Variants in NCAM2 observed in about 807,000 individuals in gnomAD.
NCAM2 encodes the protein N-CAM-2.
Under a neutral mutation model 98.1 loss-of-function variants are expected in NCAM2, and 30 were observed. The ratio of observed to expected loss-of-function variants is 0.31; its 90% CI spans 0.23 to 0.41. NCAM2 has a LOEUF of 0.41. NCAM2 is among the 10% of genes least tolerant of loss of function. The pLI, the probability that NCAM2 is intolerant of heterozygous loss-of-function variation, is 1.00. For missense variants in NCAM2, 867 were observed against 1,005.8 expected (o/e 0.86, Z 1.87); for synonymous variants, 368 against 342.4 (o/e 1.07, Z -0.83).
intron 1 of NCAM2, among the ~76,000 whole-genome samples, chr21:21,264,570 A>G (rs1406331972): frequency 6.6e-6 from 1 of 151,734 alleles, no homozygotes; most frequent in Non-Finnish European, 1.5e-5. Context: ...CACTATTCAC[A>G]ATAGAAAAGT....
chr21:21,124,992 T>C (rs2066757140), intron 1 of NCAM2, among the ~76,000 whole-genome samples: 1 of 152,136 alleles, frequency 6.6e-6, no homozygotes, highest in Admixed American at 6.5e-5. Flanking sequence ...GCCAGAAATA[T>C]AAGCTAAATT....
At chr21:21,518,610 ATAT>A (rs1264413845) in intron 16 of NCAM2, among the ~76,000 whole-genome samples, 4 of 151,500 alleles carry the variant, frequency 2.6e-5, no homozygotes, top group Non-Finnish European at 5.9e-5. Context: ...CATAGAATAA[ATAT>A]TATATATAAT....
intron 1 of NCAM2, among the ~76,000 whole-genome samples, chr21:21,263,263 A>C (rs77345713): frequency 0.03 from 4,564 of 152,186 alleles, 148 homozygotes; most frequent in East Asian, 0.19. Context: ...CAACTGCCAC[A>C]AAAAATAAAA....
At chr21:21,200,104 A>G (rs915803119) in intron 1 of NCAM2, among the ~76,000 whole-genome samples, 3 of 152,094 alleles carry the variant, frequency 2.0e-5, no homozygotes, top group Non-Finnish European at 2.9e-5. Flanking sequence ...AGGCAGCCCA[A>G]AAGAGAAAGA....
intron 1 of NCAM2, among the ~76,000 whole-genome samples, chr21:21,277,866 G>T (rs541581638): frequency 1.2e-4 from 18 of 151,698 alleles, no homozygotes; most frequent in Non-Finnish European, 2.2e-4. Context: ...ATTAATGAGT[G>T]CGTGTATTTA....
chr21:21,316,671 G>T (rs2074232076), intron 5 of NCAM2, among the ~76,000 whole-genome samples: 1 of 149,406 alleles, frequency 6.7e-6, no homozygotes, highest in Non-Finnish European at 1.5e-5. Context: ...AGCCTCCCAA[G>T]TTGCTGGCAT....
chr21:21,414,470 T>G, intron 10 of NCAM2, among the ~76,000 whole-genome samples: 1 of 75,248 alleles, frequency 1.3e-5, no homozygotes, highest in Non-Finnish European at 2.6e-5. Flanking sequence ...TTTTTTGTTG[T>G]GTGTTTTTTT....
intron 5 of NCAM2, among the ~76,000 whole-genome samples, chr21:21,303,758 C>A (rs2073798613): frequency 6.6e-6 from 1 of 152,100 alleles, no homozygotes; most frequent in Admixed American, 6.6e-5. Context: ...GGGTATTTCA[C>A]TTGCTCCACA....
chr21:21,153,390 C>T (rs929010754), intron 1 of NCAM2, among the ~76,000 whole-genome samples: 1 of 151,690 alleles, frequency 6.6e-6, no homozygotes, highest in Non-Finnish European at 1.5e-5. Context: ...AGTGAACTTA[C>T]ACTACTATGC....
intron 1 of NCAM2, among the ~76,000 whole-genome samples, chr21:21,181,333 C>T (rs1418041545): frequency 3.3e-5 from 5 of 151,922 alleles, no homozygotes; most frequent in Admixed American, 3.3e-4. Context: ...ACCGACTTAC[C>T]ATTTTGTAGT....
chr21:21,537,397 T>C (rs1009992411), intron 17 of NCAM2, among the ~76,000 whole-genome samples: 1 of 152,150 alleles, frequency 6.6e-6, no homozygotes, highest in African/African-American at 2.4e-5. Context: ...TTAATTGTTT[T>C]CACTGGAGAA....
At chr21:21,234,411 G>A (rs1164321878) in intron 1 of NCAM2, among the ~76,000 whole-genome samples, 6 of 151,888 alleles carry the variant, frequency 4.0e-5, no homozygotes. Flanking sequence ...AAGACTCCTT[G>A]TAAGAATATA....
chr21:21,132,707 A>G (rs574521803), intron 1 of NCAM2, among the ~76,000 whole-genome samples: 3 of 152,364 alleles, frequency 2.0e-5, no homozygotes, highest in South Asian at 2.1e-4. Context: ...TATTATCAGC[A>G]TAGATAAATC....
intron 8 of NCAM2, among the ~76,000 whole-genome samples, chr21:21,365,878 T>C (rs547404962): frequency 1.3e-5 from 2 of 152,210 alleles, no homozygotes; most frequent in East Asian, 3.9e-4. Context: ...TTAAGTGCTA[T>C]GATTTCCTTT....
chr21:21,058,913 T>C lies in NCAM2; in HGVS notation c.55+60295T>C, dbSNP rs189622640. Reference sequence around the variant, plus strand: ...AGACTGTTTTTGGACATTCTAGTGCTTTTTTCGAAGGACTATCCACGATCA... The same window carrying C: ...AGACTGTTTTTGGACATTCTAGTGCCTTTTTCGAAGGACTATCCACGATCA... On this transcript the variant is annotated intron_variant, in intron 1 of 17. Transcript: ENST00000400546. Among the ~76,000 whole-genome samples, 208 of 152,228 alleles carry C rather than the reference T, an allele frequency of 1.4e-3. 1 individual carries two copies. The highest frequency in any genetic ancestry group is 5.0e-3 in the African/African-American group (207 of 41,568).
At chr21:21,015,152 T>C (rs185523678) in intron 1 of NCAM2, among the ~76,000 whole-genome samples, 21 of 152,356 alleles carry the variant, frequency 1.4e-4, no homozygotes, top group Admixed American at 1.2e-3. Flanking sequence ...CTGAACCTTA[T>C]TGAAATATAA....
chr21:21,210,933 G>A (rs1381954347), intron 1 of NCAM2, among the ~76,000 whole-genome samples: 1 of 143,886 alleles, frequency 6.9e-6, no homozygotes, highest in Admixed American at 7.2e-5. Flanking sequence ...CTTCCATATA[G>A]GAGAAGTACA....
chr21:21,095,449 C>G (rs999677002), intron 1 of NCAM2, among the ~76,000 whole-genome samples: 1 of 150,934 alleles, frequency 6.6e-6, no homozygotes, highest in African/African-American at 2.4e-5. Flanking sequence ...TAGCTAGCTA[C>G]CTATCTTTCT....
chr21:21,453,888 T>G (rs1981720549), intron 12 of NCAM2, among the ~76,000 whole-genome samples: 1 of 152,112 alleles, frequency 6.6e-6, no homozygotes, highest in Non-Finnish European at 1.5e-5. Context: ...GGTTTGTTTT[T>G]GTTTGTTTCT....
Sources: allele counts gnomAD v4.1 joint callset (sites outside exome capture counted in the v4.1 genomes callset), GRCh38; gene constraint gnomAD v4.1.1; transcripts MANE v1.5; gene names NCBI Gene and HGNC (gene_info 2026-07-23, HGNC 2026-07-21).